Variants in GPR39 observed in about 807,000 individuals in gnomAD.
GPR39 encodes the protein zinc sensing receptor.
A neutral mutation model predicts 18.4 loss-of-function variants in GPR39; 23 were observed. That is an observed-to-expected ratio of 1.25 (90% CI 0.90 to 1.77). The LOEUF is 1.77. Ranked by LOEUF, GPR39 falls within the 40% of genes most tolerant of loss-of-function variation. GPR39 has a pLI of 0.00. For missense variants in GPR39, 647 were observed against 602.4 expected, an observed-to-expected ratio of 1.07 and a Z score of -0.78; for synonymous variants, 280 against 257.9, an observed-to-expected ratio of 1.09 and a Z score of -0.82.
intron 1 of GPR39, among the ~76,000 whole-genome samples, chr2:132,633,295 C>G (rs563509300): frequency 7.9e-5 from 12 of 151,164 alleles, no homozygotes; most frequent in African/African-American, 2.9e-4. Context: ...TTATTATATC[C>G]TCTACTTTTT....
chr2:132,602,288 A>G (rs1395117691), intron 1 of GPR39, among the ~76,000 whole-genome samples: 2 of 152,200 alleles, frequency 1.3e-5, no homozygotes, highest in African/African-American at 2.4e-5. Flanking sequence ...CACTGGGGAA[A>G]GGACACTCTC....
chr2:132,504,078 G>T (rs949546147), intron 1 of GPR39, among the ~76,000 whole-genome samples: 1 of 152,266 alleles, frequency 6.6e-6, no homozygotes, highest in African/African-American at 2.4e-5. Context: ...GAGCCTGCAG[G>T]GGTAATCCAG....
intron 1 of GPR39, among the ~76,000 whole-genome samples, chr2:132,484,259 G>A: frequency 6.6e-6 from 1 of 152,220 alleles, no homozygotes; most frequent in East Asian, 1.9e-4. Context: ...GGAGCTGCCT[G>A]GTAAAGAGAA....
intron 1 of GPR39, among the ~76,000 whole-genome samples, chr2:132,588,104 G>A (rs186377372): frequency 1.3e-5 from 2 of 152,254 alleles, no homozygotes; most frequent in East Asian, 1.9e-4. Flanking sequence ...GAAGGTGAGA[G>A]GAGGTGGAAA....
chr2:132,638,032 G>T (rs1209904155), intron 1 of GPR39, among the ~76,000 whole-genome samples: 1 of 152,000 alleles, frequency 6.6e-6, no homozygotes, highest in East Asian at 1.9e-4. Flanking sequence ...AGATGTGATT[G>T]CTTTACATAC....
At chr2:132,561,577 TACACACACACACACACACACAC>T (rs55653432) in intron 1 of GPR39, among the ~76,000 whole-genome samples, 1 of 147,872 alleles carries the variant, frequency 6.8e-6, no homozygotes, top group African/African-American at 2.5e-5. Context: ...AATATGAGTG[TACACACACACACACACACACAC>T]ACACACACAC....
chr2:132,579,303 T>A (rs1680586101), intron 1 of GPR39, among the ~76,000 whole-genome samples: 1 of 152,160 alleles, frequency 6.6e-6, no homozygotes, highest in Non-Finnish European at 1.5e-5. Context: ...TTTAATTTCA[T>A]TGTGGTCAGA....
chr2:132,466,250 A>G (rs1455607733), intron 1 of GPR39, among the ~76,000 whole-genome samples: 6 of 152,262 alleles, frequency 3.9e-5, no homozygotes, highest in Non-Finnish European at 7.3e-5. Context: ...TCAATATTTC[A>G]GTAATTATAA....
At chr2:132,616,418 G>C (rs1681336052) in intron 1 of GPR39, among the ~76,000 whole-genome samples, 1 of 152,144 alleles carries the variant, frequency 6.6e-6, no homozygotes, top group South Asian at 2.1e-4. Flanking sequence ...ATTTTTCAGC[G>C]ACAGATTTGA....
intron 1 of GPR39, among the ~76,000 whole-genome samples, chr2:132,597,127 C>T (rs1002413604): frequency 6.6e-6 from 1 of 152,092 alleles, no homozygotes; most frequent in Non-Finnish European, 1.5e-5. Flanking sequence ...ATCTAAGCTA[C>T]CCTAAATGCA....
intron 1 of GPR39, among the ~76,000 whole-genome samples, chr2:132,627,346 A>G (rs1318231005): frequency 6.6e-6 from 1 of 152,222 alleles, no homozygotes; most frequent in Non-Finnish European, 1.5e-5. Flanking sequence ...ACTGCTGTCT[A>G]CTTAACCATC....
chr2:132,474,998 G>A (rs760315587), intron 1 of GPR39, among the ~76,000 whole-genome samples: 2 of 152,120 alleles, frequency 1.3e-5, no homozygotes, highest in African/African-American at 4.8e-5. Context: ...CCATCCCTCT[G>A]TGCCTTCTGA....
chr2:132,641,592 T>TA (rs907709026), intron 1 of GPR39, among the ~76,000 whole-genome samples: 1 of 152,192 alleles, frequency 6.6e-6, no homozygotes, highest in African/African-American at 2.4e-5. Flanking sequence ...GACTTAGTAT[T>TA]AAAAAATGTA....
intron 1 of GPR39, among the ~76,000 whole-genome samples, chr2:132,486,692 G>A (rs1681346462): frequency 6.6e-6 from 1 of 152,196 alleles, no homozygotes; most frequent in African/African-American, 2.4e-5. Context: ...ATTAAAGAGA[G>A]TTAGAGTCTT....
intron 1 of GPR39, among the ~76,000 whole-genome samples, chr2:132,534,067 G>A (rs1394065260): frequency 4.6e-5 from 7 of 152,070 alleles, no homozygotes; most frequent in Admixed American, 4.6e-4. Flanking sequence ...CCTACAGAAT[G>A]GGAGAAAATT....
intron 1 of GPR39, among the ~76,000 whole-genome samples, chr2:132,471,428 G>T (rs529883669): frequency 6.6e-6 from 1 of 152,024 alleles, no homozygotes; most frequent in Non-Finnish European, 1.5e-5. Context: ...TCCACTAGTC[G>T]GTGCAACCTC....
rs72867739 is a variant in GPR39 at position 132,421,743 on chromosome 2, C to A, written c.856+3845C>A. On this transcript the variant is annotated intron_variant, in intron 1 of 1. Transcript: ENST00000329321. The stretch of plus-strand genomic sequence containing the variant: ...ATTTGTGGCATGGTTCAGGGAGAAG[C>A]AAAGAGAAGGAGCTCAGAATCACAT... Among the ~76,000 whole-genome samples the A allele has an allele frequency of 1.3e-3, 200 of 152,114 alleles. 1 individual carries two copies. Among genetic ancestry groups the A allele is most frequent in the South Asian group, 4.2e-3 (20 of 4,818 alleles).
intron 1 of GPR39, among the ~76,000 whole-genome samples, chr2:132,553,313 A>ATGTGTG (rs149187122): frequency 5.1e-4 from 75 of 146,232 alleles, no homozygotes; most frequent in East Asian, 2.3e-3. Flanking sequence ...ATATGTATAT[A>ATGTGTG]TGTGTGTGTG....
intron 1 of GPR39, among the ~76,000 whole-genome samples, chr2:132,608,670 C>T (rs576868281): frequency 6.6e-6 from 1 of 152,302 alleles, no homozygotes; most frequent in South Asian, 2.1e-4. Context: ...TGTGGCAGAA[C>T]AACCACAGAC....
Sources: gnomAD v4.1 joint callset for allele counts (sites outside exome capture counted in the v4.1 genomes callset) on GRCh38, gnomAD v4.1.1 for gene constraint, MANE v1.5 for transcripts, NCBI Gene and HGNC (gene_info 2026-07-23, HGNC 2026-07-21) for gene names.